The following RAB3GAP2 variants were observed in gnomAD, a reference collection of about 807,000 sequenced individuals.
RAB3GAP2 encodes RAB3 GTPase activating non-catalytic protein subunit 2.
In RAB3GAP2, 87 loss-of-function variants were observed where a neutral mutation model predicts 185.3. That is an observed-to-expected ratio of 0.47 (90% CI 0.39 to 0.56). The LOEUF (loss-of-function observed/expected upper bound fraction) is 0.56. RAB3GAP2 is among the 20% of genes least tolerant of loss of function. RAB3GAP2 has a pLI of 0.00. For synonymous variants in RAB3GAP2, 554 were observed against 576.1 expected (o/e 0.96, Z 0.55); for missense variants, 1,492 against 1,638.2 (o/e 0.91, Z 1.54).
At chr1:220,166,822 T>C (rs772666402) in intron 26 of RAB3GAP2, among the ~76,000 whole-genome samples, 22 of 152,296 alleles carry the variant, frequency 1.4e-4, no homozygotes, top group Admixed American at 6.5e-5. Flanking sequence ...AATCAGACAC[T>C]AGGTTGATCT....
intron 21 of RAB3GAP2, among the ~76,000 whole-genome samples, chr1:220,181,783 T>C (rs892534626): frequency 2.6e-5 from 4 of 152,126 alleles, no homozygotes; most frequent in Non-Finnish European, 4.4e-5. Context: ...GGCATGGTGG[T>C]TCTTGTCTGT....
At chr1:220,195,237 T>C (rs1658701821) in intron 11 of RAB3GAP2, 61 bp downstream of exon 11, 5 of 1,600,434 alleles carry the variant, frequency 3.1e-6, no homozygotes, top group Non-Finnish European at 4.3e-6. Context: ...TATCAAAATA[T>C]AAGTTAAAAG....
intron 13 of RAB3GAP2, 146 bp from the exon 14 acceptor site, chr1:220,191,430 T>TA (rs1405246662): frequency 1.6e-6 from 1 of 635,702 alleles, no homozygotes; most frequent in African/African-American, 1.8e-5. Flanking sequence ...ATATCTTAAA[T>TA]AAAAAATGAT....
chr1:220,215,192 C>CAGT (rs554261798), intron 2 of RAB3GAP2, among the ~76,000 whole-genome samples: 38 of 151,994 alleles, frequency 2.5e-4, no homozygotes, highest in African/African-American at 9.2e-4. Flanking sequence ...ATAAATTCCT[C>CAGT]AGTTTGTGTG....
Position 220,234,884 on chromosome 1 carries a change from G to A in RAB3GAP2, c.116-2021C>T, listed in dbSNP as rs541113501. Among the ~76,000 whole-genome samples, 308 of 152,308 alleles carry A rather than the reference G, an allele frequency of 2.0e-3. 2 individuals are homozygous for A. The highest frequency in any genetic ancestry group is 7.2e-3 in the African/African-American group (298 of 41,572). On this transcript the variant is annotated intron_variant, in intron 1 of 34. Transcript: ENST00000358951. ...GGCAGAAAGATGCAATGTATATGAC[G>A]ACTAACATGTATTAAACATTTCTGT... is the stretch of plus-strand genomic sequence containing the variant.
intron 8 of RAB3GAP2, among the ~76,000 whole-genome samples, chr1:220,203,222 T>G (rs17007182): frequency 0.015 from 2,333 of 152,280 alleles, 106 homozygotes; most frequent in South Asian, 0.12. Context: ...CCTCAGTCCC[T>G]TCACCTAGTG....
intron 26 of RAB3GAP2, among the ~76,000 whole-genome samples, chr1:220,165,717 C>T (rs1658050219): frequency 6.6e-6 from 1 of 152,168 alleles, no homozygotes; most frequent in Non-Finnish European, 1.5e-5. Context: ...TAACACTAGT[C>T]AAAATGTTAG....
chr1:220,191,558 C>T (rs1279497314), intron 13 of RAB3GAP2, among the ~76,000 whole-genome samples: 2 of 152,092 alleles, frequency 1.3e-5, no homozygotes, highest in African/African-American at 2.4e-5. Context: ...GTGGGTCATG[C>T]CTGTAATTCC....
intron 2 of RAB3GAP2, among the ~76,000 whole-genome samples, chr1:220,217,916 A>C (rs1659228006): frequency 6.6e-6 from 1 of 152,206 alleles, no homozygotes; most frequent in Admixed American, 6.5e-5. Flanking sequence ...TCAGATTATG[A>C]TCAAGCTGCT....
At position 220,151,598 on chromosome 1, in the gene RAB3GAP2, G is replaced by A. The variant is rs1444137596; in HGVS notation, c.4026+8C>T. 4 of 1,606,036 alleles carry A rather than the reference G, an allele frequency of 2.5e-6. No individual in the cohort carries two copies. Among genetic ancestry groups the A allele is most frequent in the Non-Finnish European group, 3.4e-6 (4 of 1,172,638 alleles). ...ACCTTTTGCCTGATCTCGTTCTATT[G>A]TACTGACCATTGCTTTCAGCCAAGT... On this transcript the variant is annotated splice_region_variant and intron_variant, in intron 34 of 34. Coordinates refer to ENST00000358951, the MANE Select transcript of RAB3GAP2 (RefSeq NM_012414.4).
intron 21 of RAB3GAP2, among the ~76,000 whole-genome samples, chr1:220,176,450 AG>A (rs1658291146): frequency 6.6e-6 from 1 of 152,194 alleles, no homozygotes; most frequent in African/African-American, 2.4e-5. Context: ...GAAACAGCCC[AG>A]TCCCCACAAG....
chr1:220,249,525 A>G (rs1477923851), intron 1 of RAB3GAP2, among the ~76,000 whole-genome samples: 1 of 152,224 alleles, frequency 6.6e-6, no homozygotes, highest in Admixed American at 6.5e-5. Context: ...ACAATACAAT[A>G]GAAAAGAAAA....
intron 1 of RAB3GAP2, among the ~76,000 whole-genome samples, chr1:220,244,312 G>A (rs370196267): frequency 3.3e-5 from 5 of 152,056 alleles, no homozygotes; most frequent in East Asian, 1.9e-4. Flanking sequence ...TACAACAGCC[G>A]CAAAAAAATA....
intron 7 of RAB3GAP2, among the ~76,000 whole-genome samples, chr1:220,209,888 TACTAAACAGCA>T: frequency 6.6e-6 from 1 of 152,360 alleles, no homozygotes; most frequent in East Asian, 1.9e-4. Flanking sequence ...GAGCCTTGGA[TACTAAACAGCA>T]TTATTTTCTC....
chr1:220,221,754 A>C (rs888250586), intron 2 of RAB3GAP2, among the ~76,000 whole-genome samples: 2 of 152,224 alleles, frequency 1.3e-5, no homozygotes, highest in Non-Finnish European at 2.9e-5. Context: ...CTTTCTTTTG[A>C]TTTTAAGCAC....
intron 18 of RAB3GAP2, among the ~76,000 whole-genome samples, chr1:220,184,991 T>C (rs1396479964): frequency 6.6e-6 from 1 of 152,174 alleles, no homozygotes; most frequent in Non-Finnish European, 1.5e-5. Context: ...CACTTTAAGC[T>C]GTCTTACACA....
At chr1:220,199,018 T>C (rs1032656917) in intron 9 of RAB3GAP2, among the ~76,000 whole-genome samples, 1 of 151,990 alleles carries the variant, frequency 6.6e-6, no homozygotes, top group African/African-American at 2.4e-5. Flanking sequence ...GCTTGCTGTG[T>C]CTGAGGAACA....
chr1:220,241,656 TATTA>T (rs972992465), intron 1 of RAB3GAP2, among the ~76,000 whole-genome samples: 2 of 152,030 alleles, frequency 1.3e-5, no homozygotes, highest in Admixed American at 1.3e-4. Flanking sequence ...ACATCGGAAT[TATTA>T]ATTTTTTCCA....
chr1:220,268,327 A>G (rs1660267659), intron 1 of RAB3GAP2, among the ~76,000 whole-genome samples: 2 of 152,190 alleles, frequency 1.3e-5, no homozygotes, highest in East Asian at 1.9e-4. Flanking sequence ...ATTAGCCTAT[A>G]GTTGGGCAAA....
Sources: gnomAD v4.1 joint callset for allele counts (sites outside exome capture counted in the v4.1 genomes callset) on GRCh38, gnomAD v4.1.1 for gene constraint, MANE v1.5 for transcripts, NCBI Gene and HGNC (gene_info 2026-07-23, HGNC 2026-07-21) for gene names.